Variants in FBXL3 observed in about 807,000 individuals in gnomAD.
FBXL3 encodes the protein F-box and leucine rich repeat protein 3, also known as F-box/LRR-repeat protein 3.
A neutral mutation model predicts 37.9 loss-of-function variants in FBXL3; 14 were observed. That is an observed-to-expected ratio of 0.37 (90% CI 0.24 to 0.58). The LOEUF (loss-of-function observed/expected upper bound fraction) is 0.58. Ranked by LOEUF, FBXL3 falls within the 20% of genes least tolerant of loss-of-function variation. FBXL3 has a pLI of 0.74. For synonymous variants in FBXL3, 194 were observed against 180.1 expected (o/e 1.08, Z -0.62); for missense variants, 327 against 511.1 (o/e 0.64, Z 3.47).
chr13:77,022,479 C>A (rs1566232834), intron 1 of FBXL3, among the ~76,000 whole-genome samples: 1 of 152,202 alleles, frequency 6.6e-6, no homozygotes, highest in African/African-American at 2.4e-5. Flanking sequence ...GAAATGTCCA[C>A]ATGAGGGATC....
At chr13:77,018,232 A>G (rs76366253) in intron 3 of FBXL3, 1 of 155,440 alleles carries the variant, frequency 6.4e-6, no homozygotes, top group Non-Finnish European at 1.4e-5. Flanking sequence ...CCTGCTCTCA[A>G]TATTGGCACT....
intron 1 of FBXL3, chr13:77,026,414 C>T (rs1197924716): frequency 2.1e-6 from 2 of 968,584 alleles, no homozygotes; most frequent in African/African-American, 1.8e-5. Flanking sequence ...ATTTCAGTGC[C>T]TCATTGCTCA....
intron 2 of FBXL3, among the ~76,000 whole-genome samples, chr13:77,021,185 A>T (rs1233896730): frequency 1.3e-5 from 2 of 152,220 alleles, no homozygotes; most frequent in African/African-American, 4.8e-5. Flanking sequence ...CTACTCAATT[A>T]TAATCTCCCA....
intron 4 of FBXL3, among the ~76,000 whole-genome samples, chr13:77,011,894 C>A (rs1426893164): frequency 6.6e-6 from 1 of 152,142 alleles, no homozygotes; most frequent in Non-Finnish European, 1.5e-5. Flanking sequence ...GGAAAACAGC[C>A]TGGCATTACC....
chr13:77,016,814 A>G (rs2034651595), intron 3 of FBXL3: 1 of 152,176 alleles, frequency 6.6e-6, no homozygotes, highest in Non-Finnish European at 1.5e-5. Context: ...TATAGCTGTG[A>G]GCTACCACAC....
chr13:77,018,003 CTT>C (rs1287465518), intron 3 of FBXL3: 1 of 151,930 alleles, frequency 6.6e-6, no homozygotes, highest in African/African-American at 2.4e-5. Flanking sequence ...AAAATGCACC[CTT>C]CTTATTTTTG....
chr13:77,009,275 A>T (rs1210042721), intron 4 of FBXL3: 1 of 152,132 alleles, frequency 6.6e-6, no homozygotes, highest in Non-Finnish European at 1.5e-5. Flanking sequence ...AAAAGAGAGT[A>T]ATGTCTCAGT....
chr13:77,008,419 C>A (rs535043135), intron 4 of FBXL3, among the ~76,000 whole-genome samples: 1 of 152,162 alleles, frequency 6.6e-6, no homozygotes, highest in African/African-American at 2.4e-5. Context: ...TTATGACTTT[C>A]GAAGCTCTAA....
At chr13:77,022,894 A>T (rs9635011) in intron 1 of FBXL3, among the ~76,000 whole-genome samples, 8,002 of 152,292 alleles carry the variant, frequency 0.053, 364 homozygotes, top group East Asian at 0.19. Flanking sequence ...CTCACTGGCT[A>T]TGTGGCTTTG....
Position 77,006,266 on chromosome 13 carries a change from ATATT to A in FBXL3, c.*875_*878del, listed in dbSNP as rs1374348412. The stretch of plus-strand genomic sequence containing the variant: ...CAACTGATAAACATTTTAAAGTTCT[ATATT>A]TATTTAAATTTGGCTTTTTAAAATA... On this transcript the variant is annotated 3_prime_UTR_variant, in exon 5 of 5. Coordinates refer to ENST00000355619, the MANE Select transcript of FBXL3 (RefSeq NM_012158.4). 1.3e-5 allele frequency: 2 copies of A among 152,182 alleles called. No homozygotes were observed. The highest frequency in any genetic ancestry group is 4.8e-5 in the African/African-American group (2 of 41,462). The allele number at this position is 152,182 out of a possible 1,614,324, so 9.4% of individuals were successfully genotyped here. A position where few individuals can be genotyped will look rare whatever the true frequency, so the allele number is the denominator to read the frequency against.
Position 77,007,576 on chromosome 13 carries a change from T to G in FBXL3, c.856A>C (p.Lys286Gln), listed in dbSNP as rs1402564584. Residue 286 changes from lysine (K) to glutamine (Q), a missense_variant, in exon 5 of 5, where the codon AAA becomes CAA. Physicochemically the swap from Lys to Gln is moderately conservative, Grantham distance 53. Transcript: ENST00000355619. ...AAAAAATACATCACTAAGTTCACTT[T>G]GGGTGAATGTCTGATGAAAGCATCC... ...SWDAFIRHSP[K>Q]VNLVMYFFLY... 1.8e-5 allele frequency: 29 copies of G among 1,614,174 alleles called. No homozygotes were observed. The highest frequency in any genetic ancestry group is 2.5e-5 in the Non-Finnish European group (29 of 1,180,026).
intron 4 of FBXL3, among the ~76,000 whole-genome samples, chr13:77,008,437 A>G (rs2034490124): frequency 6.6e-6 from 1 of 152,230 alleles, no homozygotes; most frequent in South Asian, 2.1e-4. Context: ...TAACATACCT[A>G]GAAAGCAGTT....
chr13:77,021,722 C>T lies in FBXL3; in HGVS notation c.139G>A (p.Val47Ile). 1.2e-6 allele frequency: 2 copies of T among 1,613,942 alleles called. No individual in the cohort carries two copies. Among genetic ancestry groups the T allele is most frequent in the African/African-American group, 1.3e-5 (1 of 75,032 alleles). The change falls in exon 2 of 5, where the codon GTA becomes ATA. Residue 47 changes from valine to isoleucine, a missense_variant. Physicochemically the swap from Val to Ile is conservative, Grantham distance 29 (BLOSUM62 3). Transcript: ENST00000355619. Reference protein sequence around the residue: ...GNLLQDIILQVFKYLPLLDRA... With the variant: ...GNLLQDIILQIFKYLPLLDRA... ...TCAAGAAGAGGCAAATATTTAAATA[C>T]TTGGAGAATAATGTCCTGAAGGAGA...
chr13:77,011,616 G>C lies in FBXL3; in HGVS notation c.643+3793C>G, dbSNP rs1283761960. On this transcript the variant is annotated intron_variant, in intron 4 of 4. Coordinates refer to ENST00000355619, the MANE Select transcript of FBXL3 (RefSeq NM_012158.4). ...CGTATGCCTGTGGTCCCAGCTACTT[G>C]GGAGGCTGAGGTGAGAAGATCGTTT... Among the ~76,000 whole-genome samples the C allele has an allele frequency of 4.6e-5, 7 of 151,612 alleles. No individual in the cohort carries two copies. The East Asian group carries it at 1.4e-3, about 29-fold the overall frequency.
rs199568005 is a variant in FBXL3, at chr13:77,023,345, A to AGAGTGT, written c.-1-1485_-1-1484insACACTC. ...TTTGCTTTAAAATGGAGAGAGAGAGAGTGTGTGTGTGTGTGTGTGTGTGTG... is the reference window on the plus strand; with the variant it reads ...TTTGCTTTAAAATGGAGAGAGAGAGAGAGTGTGTGTGTGTGTGTGTGTGTGTGTGTG... On this transcript the variant is annotated intron_variant, in intron 1 of 4. Transcript: ENST00000355619. 2.9e-3 allele frequency among the ~76,000 whole-genome samples: 426 copies of AGAGTGT among 147,588 alleles called. 1 individual carries two copies. The highest frequency in any genetic ancestry group is 6.9e-3 in the Middle Eastern group (2 of 290).
rs1488190074 is a variant in FBXL3, at chr13:77,021,671, G to A, written c.190C>T (p.Arg64Cys). The stretch of plus-strand genomic sequence containing the variant: ...ATGTGAAATACCTGGTTCCAGTTGC[G>A]GCAAACTTGTGAAGCATGAGCCCGG... ...LDRAHASQVC[R>C]NWNQVFHMPD... Residue 64 changes from arginine to cysteine, a missense_variant, in exon 2 of 5, where the codon CGC (arginine) becomes TGC (cysteine). Arg to Cys is a radical substitution (Grantham distance 180). Transcript: ENST00000355619. 9 of 1,614,004 alleles carry A rather than the reference G, an allele frequency of 5.6e-6. No individual in the cohort carries two copies. The highest frequency in any genetic ancestry group is 6.8e-6 in the Non-Finnish European group (8 of 1,180,004).
rs2034744487 is a variant in FBXL3 at position 77,021,570 on chromosome 13, C to A, written c.291G>T (p.Glu97Asp). Residue 97 changes from glutamate (E) to aspartate (D), a missense_variant, in exon 2 of 5, where the codon GAG becomes GAT. Physicochemically the swap from Glu to Asp is conservative, Grantham distance 45. Transcript: ENST00000355619. ...GTCTTTTAATAATCTGTTTGATCAG[C>A]TCTGGATGGGTAGCTTTCAAATAAG... ...ATSYLKATHP[E>D]LIKQIIKRHS... The A allele has an allele frequency of 1.7e-5, 27 of 1,614,086 alleles. No individual in the cohort carries two copies. Among genetic ancestry groups the A allele is most frequent in the Non-Finnish European group, 2.3e-5 (27 of 1,180,022 alleles).
chr13:77,026,106 T>A (rs1385296676), intron 1 of FBXL3: 17 of 893,038 alleles, frequency 1.9e-5, no homozygotes, highest in Non-Finnish European at 2.1e-5. Flanking sequence ...GGATTCTAAT[T>A]AAAAAATCTG....
rs1555275091 is a variant in FBXL3, at chr13:77,007,497, T to C, written c.935A>G (p.His312Arg). 6.2e-7 allele frequency: 1 copy of C among 1,614,152 alleles called. No homozygotes were observed. Among genetic ancestry groups the C allele is most frequent in the Non-Finnish European group, 8.5e-7 (1 of 1,180,010 alleles). ...GCTTACTGATCTCCCAAAGTACAGA[T>C]GGGTGGCAGGTATTTCATAGCGAAA... ...PFFRYEIPATHLYFGRSVSKD... is the reference protein window; with the variant it reads ...PFFRYEIPATRLYFGRSVSKD... The change falls in exon 5 of 5, where the codon CAT (histidine) becomes CGT (arginine). Residue 312 changes from histidine (H) to arginine (R), a missense_variant. Coordinates refer to ENST00000355619, the MANE Select transcript of FBXL3 (RefSeq NM_012158.4).
Sources: allele counts gnomAD v4.1 joint callset (sites outside exome capture counted in the v4.1 genomes callset), GRCh38; gene constraint gnomAD v4.1.1; transcripts MANE v1.5; gene names NCBI Gene and HGNC (gene_info 2026-07-23, HGNC 2026-07-21).